Variants in NUP43 observed in about 807,000 individuals in gnomAD.
NUP43 encodes the protein nucleoporin Nup43.
NUP43 carries 32 observed loss-of-function variants against 47.3 expected under a neutral mutation model. That is an observed-to-expected ratio of 0.68 (90% CI 0.51 to 0.91). NUP43 has a LOEUF of 0.91. Ranked by LOEUF, NUP43 falls within the 40% of genes least tolerant of loss-of-function variation. The pLI is 0.00. For synonymous variants in NUP43, 147 were observed against 158.4 expected, an observed-to-expected ratio of 0.93 and a Z score of 0.54; for missense variants, 444 against 453.9, an observed-to-expected ratio of 0.98 and a Z score of 0.20.
At chr6:149,728,168 A>C in intron 7 of NUP43, 2 of 985,230 alleles carry the variant, frequency 2.0e-6, no homozygotes, top group Non-Finnish European at 2.4e-6. Flanking sequence ...TAATTGAACT[A>C]TCCATGCCTC....
At position 149,726,222 on chromosome 6, in the gene NUP43, A is replaced by G. The variant is rs1784784138; in HGVS notation, c.*747T>C. The G allele has an allele frequency of 1.3e-5, 2 of 152,180 alleles. No individual in the cohort carries two copies. The highest frequency in any genetic ancestry group is 1.9e-4 in the East Asian group (1 of 5,196). The allele number at this position is 152,180 out of a possible 1,614,324, so 9.4% of individuals were successfully genotyped here. On this transcript the variant is annotated 3_prime_UTR_variant, in exon 8 of 8. Coordinates refer to ENST00000340413, the MANE Select transcript of NUP43 (RefSeq NM_198887.3). ...AGAGATCGAGACCATCCTGGCCAACATGGTGAAACTCTGTCTCTACTAAAA... is the reference window on the plus strand; with the variant it reads ...AGAGATCGAGACCATCCTGGCCAACGTGGTGAAACTCTGTCTCTACTAAAA...
rs1784769466 is a variant in NUP43 at position 149,725,720 on chromosome 6, G to C, written c.*1249C>G. On this transcript the variant is annotated 3_prime_UTR_variant, in exon 8 of 8. Transcript: ENST00000340413. ...GCAGTGATTTGTCATTAAGGTCTCA[G>C]GTCAATAATACATTTAAAATCTAAC... The C allele has an allele frequency of 6.6e-6, 1 of 152,080 alleles. No homozygotes were observed. The highest frequency in any genetic ancestry group is 2.4e-5 in the African/African-American group (1 of 41,416). 9.4% of individuals were successfully genotyped at this position (152,080 alleles called of 1,614,324 possible). A position where few individuals can be genotyped will look rare whatever the true frequency, so the allele number is the denominator to read the frequency against.
At position 149,745,953 on chromosome 6, in the gene NUP43, A is replaced by G; in HGVS notation, c.230T>C (p.Val77Ala). The change falls in exon 2 of 8, where the codon GTA (valine) becomes GCA (alanine). Residue 77 changes from valine (V) to alanine (A), a missense_variant. Physicochemically the swap from Val to Ala is moderately conservative, Grantham distance 64. Transcript: ENST00000340413. Reference sequence around the variant, plus strand: ...ACACAGATTTACCTGTAAATCCATTACATCACCATGGTGTCTGATATCACA... The same window carrying G: ...ACACAGATTTACCTGTAAATCCATTGCATCACCATGGTGTCTGATATCACA... The part of the protein sequence containing the change: ...LLCDIRHHGD[V>A]MDLQFFDQER... 6.2e-7 allele frequency: 1 copy of G among 1,611,388 alleles called. No individual in the cohort carries two copies. The highest frequency in any genetic ancestry group is 8.5e-7 in the Non-Finnish European group (1 of 1,179,166).
chr6:149,746,183 CACA>C (rs1785985776), intron 1 of NUP43, 121 bp from the exon 2 acceptor site: 1 of 1,353,242 alleles, frequency 7.4e-7, no homozygotes, highest in East Asian at 2.3e-5. Context: ...GAGTTTAAAA[CACA>C]ACGAGATACG....
In NUP43 at chr6:149,738,781, A is replaced by G. The variant is rs1445126938; in HGVS notation, c.503-3T>C. On this transcript the variant is annotated splice_region_variant and splice_polypyrimidine_tract_variant and intron_variant, in intron 4 of 7. Transcript: ENST00000340413. ...GAGTGTACTACTATCTGCATTGTCT[A>G]AAAATTTAAAAAATGGTAGTATGTG... is the stretch of plus-strand genomic sequence containing the variant. 2.0e-6 allele frequency: 3 copies of G among 1,469,968 alleles called. No individual in the cohort carries two copies. The highest frequency in any genetic ancestry group is 2.5e-5 in the East Asian group (1 of 39,994). 91.1% of individuals were successfully genotyped at this position (1,469,968 alleles called of 1,614,324 possible). A position where few individuals can be genotyped will look rare whatever the true frequency, so the allele number is the denominator to read the frequency against.
intron 6 of NUP43, among the ~76,000 whole-genome samples, chr6:149,733,676 G>C (rs1315156689): frequency 3.3e-5 from 5 of 151,870 alleles, no homozygotes; most frequent in Non-Finnish European, 5.9e-5. Flanking sequence ...AAACAACTGG[G>C]CTCAAGAGAT....
intron 2 of NUP43, among the ~76,000 whole-genome samples, chr6:149,744,528 G>GA (rs879345739): frequency 2.1e-3 from 213 of 100,320 alleles, no homozygotes; most frequent in Admixed American, 4.6e-3. Flanking sequence ...TCATAAAAAA[G>GA]AAAAAAAAAA....
chr6:149,728,743 C>A (rs1784900850), intron 7 of NUP43, among the ~76,000 whole-genome samples: 2 of 152,208 alleles, frequency 1.3e-5, no homozygotes, highest in South Asian at 4.1e-4. Flanking sequence ...TGAGCTCCAA[C>A]CGTGGTGTCC....
intron 5 of NUP43, among the ~76,000 whole-genome samples, chr6:149,738,148 T>C (rs1186478639): frequency 6.6e-6 from 1 of 152,244 alleles, no homozygotes; most frequent in African/African-American, 2.4e-5. Context: ...ACAAATCACA[T>C]TTCCACTTGT....
upstream of NUP43, among the ~76,000 whole-genome samples, chr6:149,747,813 C>T (rs1786091721): frequency 6.6e-6 from 1 of 152,238 alleles, no homozygotes; most frequent in Non-Finnish European, 1.5e-5. Flanking sequence ...GGTAGTCCTA[C>T]TTCACAGGGA....
chr6:149,745,655 T>C (rs1785948204), intron 2 of NUP43, among the ~76,000 whole-genome samples: 1 of 152,208 alleles, frequency 6.6e-6, no homozygotes, highest in Non-Finnish European at 1.5e-5. Context: ...CGATACTTGA[T>C]TCACTGGCAT....
At chr6:149,742,273 G>A in intron 4 of NUP43, 117 bp downstream of exon 4, 2 of 845,930 alleles carry the variant, frequency 2.4e-6, no homozygotes, top group South Asian at 1.5e-5. Flanking sequence ...TGATCCACCT[G>A]CCTCGGCCTC....
chr6:149,737,507 C>A (rs1328456225), intron 5 of NUP43, among the ~76,000 whole-genome samples: 1 of 152,140 alleles, frequency 6.6e-6, no homozygotes, highest in Non-Finnish European at 1.5e-5. Context: ...AAACTTCTCA[C>A]CGCAGATAAT....
At chr6:149,738,835 A>T in intron 4 of NUP43, 57 bp from the exon 5 acceptor site, 1 of 1,078,976 alleles carries the variant, frequency 9.3e-7, no homozygotes, top group Non-Finnish European at 1.3e-6. Flanking sequence ...TTCCCAAGAA[A>T]ATCTTAAATC....
chr6:149,738,483 T>C (rs1323107788), intron 5 of NUP43, among the ~76,000 whole-genome samples, 160 bp downstream of exon 5: 1 of 152,226 alleles, frequency 6.6e-6, no homozygotes, highest in Non-Finnish European at 1.5e-5. Context: ...AGCATAGTAG[T>C]ACCAACCCCG....
chr6:149,730,357 T>C (rs1562374342), intron 7 of NUP43, among the ~76,000 whole-genome samples: 1 of 152,146 alleles, frequency 6.6e-6, no homozygotes, highest in Non-Finnish European at 1.5e-5. Context: ...AAATATCAAC[T>C]TTTTTCTTGC....
Position 149,738,788 on chromosome 6 carries a change from T to A in NUP43, c.503-10A>T, listed in dbSNP as rs770254814. 2.0e-6 allele frequency: 3 copies of A among 1,465,814 alleles called. No homozygotes were observed. The highest frequency in any genetic ancestry group is 1.8e-4 in the Middle Eastern group (1 of 5,516). 90.8% of individuals were successfully genotyped at this position (1,465,814 alleles called of 1,614,324 possible). Reference sequence around the variant, plus strand: ...CTACTATCTGCATTGTCTAAAAATTTAAAAAATGGTAGTATGTGTTAATGA... The same window carrying A: ...CTACTATCTGCATTGTCTAAAAATTAAAAAAATGGTAGTATGTGTTAATGA... On this transcript the variant is annotated splice_polypyrimidine_tract_variant and intron_variant, in intron 4 of 7. Coordinates refer to ENST00000340413, the MANE Select transcript of NUP43 (RefSeq NM_198887.3).
At chr6:149,742,245 C>T (rs748577715) in intron 4 of NUP43, 145 bp downstream of exon 4, 17 of 652,992 alleles carry the variant, frequency 2.6e-5, no homozygotes, top group Non-Finnish European at 4.1e-5. Flanking sequence ...AGGCTGGTCT[C>T]GGACTCCCGA....
chr6:149,744,865 C>G (rs1471597426), intron 2 of NUP43, among the ~76,000 whole-genome samples: 2 of 151,330 alleles, frequency 1.3e-5, no homozygotes, highest in Non-Finnish European at 2.9e-5. Context: ...TTTCCTAGAG[C>G]TAGATAGCTT....
Sources: gnomAD v4.1 joint callset for allele counts (sites outside exome capture counted in the v4.1 genomes callset) on GRCh38, gnomAD v4.1.1 for gene constraint, MANE v1.5 for transcripts, NCBI Gene and HGNC (gene_info 2026-07-23, HGNC 2026-07-21) for gene names.